Variants in BCR observed in about 807,000 individuals in gnomAD.
The protein encoded by BCR is BCR activator of RhoGEF and GTPase.
A neutral mutation model predicts 138.6 loss-of-function variants in BCR; 58 were observed. That is an observed-to-expected ratio of 0.42 (90% CI 0.34 to 0.52). BCR has a LOEUF of 0.52. Ranked by LOEUF, BCR falls within the 20% of genes least tolerant of loss-of-function variation. The pLI is 0.06. For synonymous variants in BCR, 786 were observed against 730.1 expected, an observed-to-expected ratio of 1.08 and a Z score of -1.23; for missense variants, 1,599 against 1,727.2, an observed-to-expected ratio of 0.93 and a Z score of 1.32.
intron 1 of BCR, among the ~76,000 whole-genome samples, chr22:23,221,543 C>T (rs373087107): frequency 1.1e-3 from 164 of 152,282 alleles, no homozygotes; most frequent in African/African-American, 3.8e-3. Flanking sequence ...CTGGGGAGCC[C>T]CATTCCTGCA....
intron 1 of BCR, among the ~76,000 whole-genome samples, chr22:23,217,906 G>A (rs1442387930): frequency 3.9e-5 from 6 of 152,204 alleles, no homozygotes; most frequent in East Asian, 3.8e-4. Context: ...AGGCCTTGAC[G>A]TCCAGATCCT....
In BCR at chr22:23,273,038, T is replaced by C. The variant is rs961839245; in HGVS notation, c.1922-43T>C. ...GAGGGTGGTCAGGCAGCTGGTGTGC[T>C]TCTCCATGTGCAACCTCTCTCACCT... On this transcript the variant is annotated intron_variant, in intron 6 of 22. Transcript: ENST00000305877. The C allele has an allele frequency of 5.6e-6, 9 of 1,603,702 alleles. No individual in the cohort carries two copies. In the African/African-American group the frequency reaches 1.1e-4, roughly 19 times the overall value.
chr22:23,228,723 T>TA (rs2072920420), intron 1 of BCR, among the ~76,000 whole-genome samples: 1 of 152,202 alleles, frequency 6.6e-6, no homozygotes, highest in Non-Finnish European at 1.5e-5. Context: ...AATCTACAGT[T>TA]ACGTGAATCC....
At chr22:23,195,360 C>CA (rs1249593372) in intron 1 of BCR, among the ~76,000 whole-genome samples, 1 of 140,764 alleles carries the variant, frequency 7.1e-6, no homozygotes, top group Non-Finnish European at 1.5e-5. Flanking sequence ...GCAGAGGTTG[C>CA]AATCATCCAA....
chr22:23,214,793 C>CT (rs2072731699), intron 1 of BCR, among the ~76,000 whole-genome samples: 1 of 152,160 alleles, frequency 6.6e-6, no homozygotes, highest in Non-Finnish European at 1.5e-5. Flanking sequence ...TTTGTTTTTA[C>CT]TTTTTCTTTT....
chr22:23,181,396 G>C lies in BCR; in HGVS notation c.436G>C (p.Gly146Arg). ...CGCGTCGGGGGAACGGGACGACCGG[G>C]GACCCCCCGCCAGCGTGGCGGCGCT... ...AAASGERDDR[G>R]PPASVAALRS... Residue 146 changes from glycine (G) to arginine (R), a missense_variant, in exon 1 of 23, where the codon GGA (glycine) becomes CGA (arginine). Around this residue, in one of 4 missense-constraint regions of BCR, gnomAD observed 806 missense variants for 635.0 expected, o/e 1.27. Transcript: ENST00000305877. The C allele has an allele frequency of 1.3e-6, 2 of 1,559,216 alleles. No homozygotes were observed. Among genetic ancestry groups the C allele is most frequent in the Non-Finnish European group, 1.7e-6 (2 of 1,153,408 alleles).
At chr22:23,276,309 G>A (rs2073575336) in intron 8 of BCR, among the ~76,000 whole-genome samples, 1 of 151,880 alleles carries the variant, frequency 6.6e-6, no homozygotes, top group African/African-American at 2.4e-5. Context: ...TGAGGCAGGA[G>A]AATCTCGTGA....
intron 1 of BCR, among the ~76,000 whole-genome samples, chr22:23,191,523 A>AATCC (rs2072415160): frequency 6.6e-6 from 1 of 152,128 alleles, no homozygotes; most frequent in Non-Finnish European, 1.5e-5. Context: ...TTAACGGTAT[A>AATCC]TTTGCAGCTG....
chr22:23,187,278 CTTTTTTT>C (rs3055923), intron 1 of BCR, among the ~76,000 whole-genome samples: 7 of 114,512 alleles, frequency 6.1e-5, no homozygotes, highest in East Asian at 5.8e-4. Context: ...GCTTAAAATA[CTTTTTTT>C]TTTTTTTTTT....
intron 8 of BCR, among the ~76,000 whole-genome samples, chr22:23,278,155 G>A (rs773733458): frequency 2.6e-5 from 4 of 152,242 alleles, no homozygotes; most frequent in Non-Finnish European, 4.4e-5. Flanking sequence ...TTGGCACCAC[G>A]TGCTGCTCAG....
intron 1 of BCR, among the ~76,000 whole-genome samples, chr22:23,227,708 A>C (rs2072910672): frequency 6.6e-6 from 1 of 152,232 alleles, no homozygotes; most frequent in Admixed American, 6.5e-5. Flanking sequence ...AGATCACAAT[A>C]GTACTGCCAG....
intron 1 of BCR, among the ~76,000 whole-genome samples, chr22:23,225,905 A>T (rs1214335307): frequency 6.6e-6 from 1 of 152,208 alleles, no homozygotes; most frequent in Non-Finnish European, 1.5e-5. Context: ...TTTTCTTCCC[A>T]GTGGCCTTAT....
chr22:23,199,168 T>A, intron 1 of BCR: 1 of 398,744 alleles, frequency 2.5e-6, no homozygotes, highest in Non-Finnish European at 5.0e-6. Flanking sequence ...AGGTTGTGAT[T>A]ATTAACATAA....
Position 23,315,814 on chromosome 22 carries a change from G to C in BCR, c.*292G>C, listed in dbSNP as rs914916638. On this transcript the variant is annotated 3_prime_UTR_variant, in exon 23 of 23. Transcript: ENST00000305877. ...CCTGGCCCTGGGAGACAGGGTGAAG[G>C]GAGTGGTTTTTATGAACTTAACTTA... is the stretch of plus-strand genomic sequence containing the variant. 54 of 498,394 alleles carry C rather than the reference G, an allele frequency of 1.1e-4. No individual in the cohort carries two copies. Among genetic ancestry groups the C allele is most frequent in the Admixed American group, 1.9e-4 (6 of 31,696 alleles). 30.9% of individuals were successfully genotyped at this position (498,394 alleles called of 1,614,324 possible).
intron 1 of BCR, among the ~76,000 whole-genome samples, chr22:23,209,574 C>T (rs1426026784): frequency 2.1e-5 from 3 of 140,058 alleles, no homozygotes; most frequent in African/African-American, 3.3e-5. Flanking sequence ...GATGGAGTCT[C>T]GCTCTGTTGC....
chr22:23,271,424 G>C, intron 5 of BCR, 108 bp from the exon 6 acceptor site: 1 of 1,106,134 alleles, frequency 9.0e-7, no homozygotes, highest in Non-Finnish European at 1.3e-6. Flanking sequence ...AATGCACCTG[G>C]GGTTTGTTGT....
Position 23,202,466 on chromosome 22 carries a change from A to C in BCR, c.1279+20227A>C, listed in dbSNP as rs572732388. 3.4e-4 allele frequency among the ~76,000 whole-genome samples: 52 copies of C among 152,244 alleles called. 3 individuals are homozygous for C. Among genetic ancestry groups the C allele is most frequent in the African/African-American group, 1.1e-3 (44 of 41,540 alleles). ...ATCATCCATCTCCAGAACTCTTTCCACCTTGCAAAACTGAAAATCTGTACT... is the reference window on the plus strand; with the variant it reads ...ATCATCCATCTCCAGAACTCTTTCCCCCTTGCAAAACTGAAAATCTGTACT... On this transcript the variant is annotated intron_variant, in intron 1 of 22. Transcript: ENST00000305877.
At chr22:23,288,511 C>A (rs2073744690) in intron 12 of BCR, among the ~76,000 whole-genome samples, 1 of 151,868 alleles carries the variant, frequency 6.6e-6, no homozygotes, top group Non-Finnish European at 1.5e-5. Context: ...TGCCCATACA[C>A]CGCACCCCCG....
At chr22:23,302,445 G>C (rs551650964) in intron 16 of BCR, 1 of 152,280 alleles carries the variant, frequency 6.6e-6, no homozygotes, top group Non-Finnish European at 1.5e-5. Context: ...CTCACCTCAC[G>C]GGAGGGTCTC....
Sources: allele counts gnomAD v4.1 joint callset (sites outside exome capture counted in the v4.1 genomes callset), GRCh38; gene constraint gnomAD v4.1.1; regional missense constraint gnomAD v4.1.1; transcripts MANE v1.5; gene names NCBI Gene and HGNC (gene_info 2026-07-23, HGNC 2026-07-21).